Variants in HOMER1 observed in about 807,000 individuals in gnomAD.
HOMER1 encodes homer scaffold protein 1, also known as homer protein homolog 1.
HOMER1 carries 3 observed loss-of-function variants against 48.9 expected under a neutral mutation model. The ratio of observed to expected loss-of-function variants is 0.06; its 90% CI spans 0.03 to 0.16. The LOEUF (loss-of-function observed/expected upper bound fraction) is 0.16, where lower values mean the gene tolerates loss of function less well. Among genes scored for constraint, HOMER1 ranks in the 10% least tolerant of loss-of-function variants. HOMER1 has a pLI of 1.00. For synonymous variants in HOMER1, 134 were observed against 146.4 expected, an observed-to-expected ratio of 0.92 and a Z score of 0.61; for missense variants, 247 against 411.4, an observed-to-expected ratio of 0.60 and a Z score of 3.46.
intron 5 of HOMER1, among the ~76,000 whole-genome samples, chr5:79,428,574 T>C (rs1561360101): frequency 6.6e-6 from 1 of 152,116 alleles, no homozygotes; most frequent in African/African-American, 2.4e-5. Context: ...TTAAGACTAA[T>C]AAATGAGTTC....
At chr5:79,425,847 G>T (rs1188903938) in intron 5 of HOMER1, among the ~76,000 whole-genome samples, 4 of 151,908 alleles carry the variant, frequency 2.6e-5, no homozygotes, top group Non-Finnish European at 5.9e-5. Context: ...CTTAGATTGT[G>T]AGTAAAGCAC....
chr5:79,378,328 A>C (rs1169124024), intron 8 of HOMER1, among the ~76,000 whole-genome samples: 2 of 151,256 alleles, frequency 1.3e-5, no homozygotes, highest in Non-Finnish European at 2.9e-5. Flanking sequence ...GCTACAGATG[A>C]GTTGCAAGAG....
rs746211798 is a variant in HOMER1 at position 79,466,453 on chromosome 5, G to A, written c.6-9435C>T. 1.3e-4 allele frequency among the ~76,000 whole-genome samples: 19 copies of A among 151,882 alleles called. No homozygotes were observed. The East Asian group carries it at 2.5e-3, about 20-fold the overall frequency. On this transcript the variant is annotated intron_variant, in intron 1 of 8. Transcript: ENST00000334082. ...GTCAAGGCTGCAGTGAGCTGAGATC[G>A]TGCCACTGCACTCCAGCCTGGCCAA...
chr5:79,507,160 C>T (rs923624169), intron 1 of HOMER1, among the ~76,000 whole-genome samples: 7 of 143,460 alleles, frequency 4.9e-5, no homozygotes, highest in Non-Finnish European at 1.0e-4. Context: ...TTGCAGTGAG[C>T]CAAGATCGCG....
intron 1 of HOMER1, among the ~76,000 whole-genome samples, chr5:79,480,724 A>G (rs901515883): frequency 6.6e-6 from 1 of 152,220 alleles, no homozygotes. Context: ...TCATGCAAAC[A>G]AACTTTTCAT....
chr5:79,376,245 G>T, intron 8 of HOMER1, 48 bp from the exon 9 acceptor site: 1 of 1,367,408 alleles, frequency 7.3e-7, no homozygotes. Context: ...TCATCACTTA[G>T]AAAACAATAC....
At chr5:79,475,872 A>C (rs1363681502) in intron 1 of HOMER1, among the ~76,000 whole-genome samples, 2 of 152,120 alleles carry the variant, frequency 1.3e-5, no homozygotes, top group Non-Finnish European at 1.5e-5. Flanking sequence ...ACATATATAC[A>C]CCTCATGAAA....
chr5:79,451,232 T>C (rs1194633819), intron 2 of HOMER1, 111 bp from the exon 3 acceptor site: 1 of 1,008,622 alleles, frequency 9.9e-7, no homozygotes, highest in South Asian at 1.7e-5. Context: ...GCCACAACGT[T>C]AAATACATAA....
chr5:79,387,054 T>C (rs1749132038), intron 8 of HOMER1, among the ~76,000 whole-genome samples: 1 of 130,160 alleles, frequency 7.7e-6, no homozygotes, highest in African/African-American at 3.3e-5. Context: ...CTTCCTTCCT[T>C]CCTCTTTCCT....
intron 1 of HOMER1, among the ~76,000 whole-genome samples, chr5:79,508,066 TG>T (rs1302518487): frequency 2.0e-5 from 3 of 152,260 alleles, no homozygotes; most frequent in Non-Finnish European, 4.4e-5. Flanking sequence ...TTCATTGTTC[TG>T]GCTTGGTGTT....
chr5:79,393,073 G>A (rs1749295454), intron 8 of HOMER1, among the ~76,000 whole-genome samples: 1 of 151,716 alleles, frequency 6.6e-6, no homozygotes, highest in African/African-American at 2.4e-5. Context: ...AAAAATTTCT[G>A]TATTATTCTT....
intron 8 of HOMER1, among the ~76,000 whole-genome samples, chr5:79,393,391 C>G (rs1412906021): frequency 6.6e-6 from 1 of 152,134 alleles, no homozygotes; most frequent in Non-Finnish European, 1.5e-5. Flanking sequence ...AGCCAGCCAT[C>G]TGAAGATTTG....
At chr5:79,442,863 T>G (rs1750773379) in intron 4 of HOMER1, among the ~76,000 whole-genome samples, 1 of 152,142 alleles carries the variant, frequency 6.6e-6, no homozygotes, top group Admixed American at 6.6e-5. Context: ...TCAAACAAGA[T>G]CCTCATATCC....
rs139380995 is a variant in HOMER1 at position 79,460,147 on chromosome 5, G to C, written c.6-3129C>G. ...TAGGATTACAGGAGTAAGCCACCTA[G>C]CTCAGCTCCAGCTTTGCATTTTAGA... On this transcript the variant is annotated intron_variant, in intron 1 of 8. Transcript: ENST00000334082. Among the ~76,000 whole-genome samples the C allele has an allele frequency of 7.5e-3, 1,148 of 152,216 alleles. 11 individuals carry two copies. The highest frequency in any genetic ancestry group is 0.014 in the Middle Eastern group (4 of 294).
chr5:79,396,717 A>G, intron 8 of HOMER1, 106 bp downstream of exon 8: 1 of 560,522 alleles, frequency 1.8e-6, no homozygotes, highest in Non-Finnish European at 3.1e-6. Flanking sequence ...GAAAAGAAAA[A>G]TGACCAAAAA....
intron 1 of HOMER1, among the ~76,000 whole-genome samples, chr5:79,463,456 G>A (rs1176691654): frequency 1.3e-5 from 2 of 152,152 alleles, no homozygotes; most frequent in Non-Finnish European, 2.9e-5. Flanking sequence ...ATTCTCTGTC[G>A]ATAATAGCAT....
chr5:79,506,196 C>A (rs1752761823), intron 1 of HOMER1, among the ~76,000 whole-genome samples: 2 of 151,830 alleles, frequency 1.3e-5, no homozygotes, highest in South Asian at 4.1e-4. Flanking sequence ...CTCACTGCAA[C>A]CTCCGCCTCA....
rs757606064 is a variant in HOMER1 at position 79,457,038 on chromosome 5, A to G, written c.6-20T>C. 6.2e-7 allele frequency: 1 copy of G among 1,613,128 alleles called. No homozygotes were observed. The highest frequency in any genetic ancestry group is 2.2e-5 in the East Asian group (1 of 44,858). ...TGTTCCCTGCAGGGCAGAAAAGAAA[A>G]TGATGGACTGAAAGCAGCCAGTTTT... is the stretch of plus-strand genomic sequence containing the variant. On this transcript the variant is annotated intron_variant, in intron 1 of 8. Coordinates refer to ENST00000334082, the MANE Select transcript of HOMER1 (RefSeq NM_004272.5).
At chr5:79,428,983 A>G (rs1750347494) in intron 5 of HOMER1, among the ~76,000 whole-genome samples, 1 of 152,240 alleles carries the variant, frequency 6.6e-6, no homozygotes, top group East Asian at 1.9e-4. Flanking sequence ...GGGAAATTCT[A>G]GGTACTGAGG....
Sources: gnomAD v4.1 joint callset for allele counts (sites outside exome capture counted in the v4.1 genomes callset) on GRCh38, gnomAD v4.1.1 for gene constraint, MANE v1.5 for transcripts, NCBI Gene and HGNC (gene_info 2026-07-23, HGNC 2026-07-21) for gene names.